Variants in CDK17 observed in about 807,000 individuals in gnomAD.
CDK17 encodes cyclin dependent kinase 17.
CDK17 carries 24 observed loss-of-function variants against 77.6 expected under a neutral mutation model. That is an observed-to-expected ratio of 0.31 (90% CI 0.22 to 0.44). CDK17 has a LOEUF of 0.44. Ranked by LOEUF, CDK17 falls within the 20% of genes least tolerant of loss-of-function variation. The pLI, the probability that CDK17 is intolerant of heterozygous loss-of-function variation, is 1.00. For missense variants in CDK17, 429 were observed against 622.5 expected (o/e 0.69, Z 3.31); for synonymous variants, 203 against 210.4 (o/e 0.96, Z 0.30).
At position 96,280,905 on chromosome 12, in the gene CDK17, A is replaced by G. The variant is rs903197070; in HGVS notation, c.1457-20T>C. On this transcript the variant is annotated intron_variant, in intron 15 of 16. Coordinates refer to ENST00000261211, the MANE Select transcript of CDK17 (RefSeq NM_002595.5). ...ATACACCTAAAATGCATAGACAAAA[A>G]TTATTAGGTGAAGGTCTAACATTAA... is the stretch of plus-strand genomic sequence containing the variant. 1.9e-5 allele frequency: 30 copies of G among 1,596,430 alleles called. No individual in the cohort carries two copies. Among genetic ancestry groups the G allele is most frequent in the Non-Finnish European group, 2.6e-5 (30 of 1,167,224 alleles).
At chr12:96,325,533 T>C (rs1952881895) in intron 2 of CDK17, among the ~76,000 whole-genome samples, 1 of 152,242 alleles carries the variant, frequency 6.6e-6, no homozygotes, top group Admixed American at 6.5e-5. Flanking sequence ...GAAGGCCATG[T>C]GGCCTGAGCC....
intron 1 of CDK17, among the ~76,000 whole-genome samples, chr12:96,384,874 G>T (rs1953947391): frequency 6.6e-6 from 1 of 152,006 alleles, no homozygotes; most frequent in South Asian, 2.1e-4. Flanking sequence ...GCCAGGTGTG[G>T]TGGTACATGC....
chr12:96,354,341 G>A (rs571935678), intron 1 of CDK17, among the ~76,000 whole-genome samples: 1 of 152,166 alleles, frequency 6.6e-6, no homozygotes, highest in Admixed American at 6.5e-5. Flanking sequence ...TCTAGCATGA[G>A]ACAGATTTCA....
At chr12:96,301,368 G>C (rs1952501994) in intron 5 of CDK17, among the ~76,000 whole-genome samples, 1 of 151,144 alleles carries the variant, frequency 6.6e-6, no homozygotes, top group Admixed American at 6.6e-5. Context: ...TGATAAACAG[G>C]GTACATGAAA....
intron 1 of CDK17, among the ~76,000 whole-genome samples, chr12:96,385,567 AAAC>A (rs1953959134): frequency 6.6e-6 from 1 of 152,218 alleles, no homozygotes; most frequent in African/African-American, 2.4e-5. Flanking sequence ...AATAATTATC[AAAC>A]AACATGAAAT....
At chr12:96,362,272 G>T (rs541602555) in intron 1 of CDK17, among the ~76,000 whole-genome samples, 1 of 151,874 alleles carries the variant, frequency 6.6e-6, no homozygotes, top group Non-Finnish European at 1.5e-5. Flanking sequence ...AGGCTGGAGT[G>T]CAGTGGCCCC....
chr12:96,336,116 CAAAT>C (rs1462715267), intron 1 of CDK17, among the ~76,000 whole-genome samples: 1 of 151,936 alleles, frequency 6.6e-6, no homozygotes, highest in Non-Finnish European at 1.5e-5. Flanking sequence ...GGAGGTATCA[CAAAT>C]AAACATAAGT....
In CDK17 at chr12:96,311,114, A is replaced by G. The variant is rs976293392; in HGVS notation, c.481T>C (p.Leu161=). 1 of 1,601,916 alleles carries G rather than the reference A, an allele frequency of 6.2e-7. No homozygotes were observed. Among genetic ancestry groups the G allele is most frequent in the Non-Finnish European group, 8.5e-7 (1 of 1,176,562 alleles). The part of the protein sequence containing the change: ...IRIPDGYLEK[L]QINSPPFDQP... ...TCAAATGGTGGACTGTTTATCTGCA[A>G]CTTTTCAAGATATCCATCAGGTATT... The change falls in exon 5 of 17, where the codon TTG becomes CTG. Residue 161 remains leucine, a synonymous_variant. Coordinates refer to ENST00000261211, the MANE Select transcript of CDK17 (RefSeq NM_002595.5).
chr12:96,384,451 G>A (rs1362068203), intron 1 of CDK17, among the ~76,000 whole-genome samples: 1 of 152,184 alleles, frequency 6.6e-6, no homozygotes, highest in Non-Finnish European at 1.5e-5. Flanking sequence ...AAAGACTCAT[G>A]TATTCATAGG....
chr12:96,286,710 T>C lies in CDK17; in HGVS notation c.1170A>G (p.Pro390=). 1 of 1,613,564 alleles carries C rather than the reference T, an allele frequency of 6.2e-7. No homozygotes were observed. Among genetic ancestry groups the C allele is most frequent in the South Asian group, 1.1e-5 (1 of 91,038 alleles). The part of the protein sequence containing the change: ...FEMASGRPLF[P]GSTVEDELHL... ...GCAGTTCATCTTCCACGGTTGATCC[T>C]GGAAATAAAGGTCTTCCAGAAGCCA... The change falls in exon 12 of 17, where the codon CCA becomes CCG. Residue 390 remains proline (P), a synonymous_variant. Coordinates refer to ENST00000261211, the MANE Select transcript of CDK17 (RefSeq NM_002595.5).
At chr12:96,368,045 A>T (rs1247862114) in intron 1 of CDK17, among the ~76,000 whole-genome samples, 2 of 152,182 alleles carry the variant, frequency 1.3e-5, no homozygotes, top group Non-Finnish European at 2.9e-5. Context: ...GTTTACGAAC[A>T]GTCCAAGTCT....
intron 1 of CDK17, among the ~76,000 whole-genome samples, chr12:96,349,260 C>T (rs1262390916): frequency 6.6e-6 from 1 of 152,072 alleles, no homozygotes; most frequent in African/African-American, 2.4e-5. Context: ...TGGAGACCAG[C>T]CTGGACAACA....
intron 5 of CDK17, among the ~76,000 whole-genome samples, 160 bp from the exon 6 acceptor site, chr12:96,300,520 C>T (rs1244899415): frequency 4.6e-5 from 7 of 151,978 alleles, no homozygotes; most frequent in African/African-American, 7.3e-5. Flanking sequence ...CCTCAGCCTC[C>T]GGAGCAGCTG....
chr12:96,286,819 G>C, intron 11 of CDK17, 58 bp from the exon 12 acceptor site: 1 of 1,421,688 alleles, frequency 7.0e-7, no homozygotes, highest in Non-Finnish European at 9.8e-7. Flanking sequence ...TGAAGCACAA[G>C]AATCTTTTCC....
At chr12:96,312,661 T>C (rs1952659027) in intron 4 of CDK17, among the ~76,000 whole-genome samples, 1 of 152,176 alleles carries the variant, frequency 6.6e-6, no homozygotes, top group South Asian at 2.1e-4. Flanking sequence ...TCAAAACATG[T>C]TCAATTTTTT....
chr12:96,390,960 G>A (rs940369361), intron 1 of CDK17, among the ~76,000 whole-genome samples: 2 of 151,302 alleles, frequency 1.3e-5, no homozygotes, highest in Middle Eastern at 3.4e-3. Flanking sequence ...GGTGGCACAC[G>A]CCTATAATCC....
chr12:96,313,360 A>G lies in CDK17; in HGVS notation c.378T>C (p.Val126=). ...GTCTATGTATACGATTTCTGAGACAAACACCTGTAGGTGACTGGACTTCAT... is the reference window on the plus strand; with the variant it reads ...GTCTATGTATACGATTTCTGAGACAGACACCTGTAGGTGACTGGACTTCAT... ...SSDEVQSPTG[V]CLRNRIHRRI... is the part of the protein sequence containing the mutation. Residue 126 remains valine, a synonymous_variant, in exon 4 of 17, where the codon GTT becomes GTC. Coordinates refer to ENST00000261211, the MANE Select transcript of CDK17 (RefSeq NM_002595.5). 1 of 1,598,352 alleles carries G rather than the reference A, an allele frequency of 6.3e-7. No homozygotes were observed. Among genetic ancestry groups the G allele is most frequent in the Non-Finnish European group, 8.5e-7 (1 of 1,174,378 alleles).
chr12:96,357,863 T>C (rs959264092), intron 1 of CDK17, among the ~76,000 whole-genome samples: 3 of 152,154 alleles, frequency 2.0e-5, no homozygotes, highest in African/African-American at 7.2e-5. Flanking sequence ...CCCAAAAATA[T>C]GAACAGAAAT....
chr12:96,372,033 G>A lies in CDK17; in HGVS notation c.-30+27953C>T, dbSNP rs1051434825. 1.1e-4 allele frequency among the ~76,000 whole-genome samples: 16 copies of A among 151,444 alleles called. No individual in the cohort carries two copies. In the South Asian group the frequency reaches 2.1e-3, roughly 20 times the overall value. On this transcript the variant is annotated intron_variant, in intron 1 of 16. Coordinates refer to ENST00000261211, the MANE Select transcript of CDK17 (RefSeq NM_002595.5). ...TGTTTGTGTGTGTGTGTGTGTGTGT[G>A]TACAACTTTCTAGTCTTTCTCTCCA...
Sources: allele counts gnomAD v4.1 joint callset (sites outside exome capture counted in the v4.1 genomes callset), GRCh38; gene constraint gnomAD v4.1.1; transcripts MANE v1.5; gene names NCBI Gene and HGNC (gene_info 2026-07-23, HGNC 2026-07-21).